SAMD3: variants seen among roughly 807,000 people sequenced by gnomAD.
SAMD3 encodes the protein sterile alpha motif domain containing 3, also known as sterile alpha motif domain-containing protein 3.
Under a neutral mutation model 58.5 loss-of-function variants are expected in SAMD3, and 63 were observed. That is an observed-to-expected ratio of 1.08 (90% CI 0.88 to 1.33). The LOEUF is 1.33. Among genes scored for constraint, SAMD3 ranks in the 40% most tolerant of loss-of-function variants. SAMD3 has a pLI of 0.00. For missense variants in SAMD3, 604 were observed against 608.4 expected (o/e 0.99, Z 0.08); for synonymous variants, 220 against 210.3 (o/e 1.05, Z -0.40).
At chr6:130,270,712 T>G (rs1774528035) in intron 2 of SAMD3, among the ~76,000 whole-genome samples, 1 of 152,188 alleles carries the variant, frequency 6.6e-6, no homozygotes, top group African/African-American at 2.4e-5. Context: ...ATAGATCTAT[T>G]TTATTGATTT....
intron 2 of SAMD3, among the ~76,000 whole-genome samples, chr6:130,306,816 T>G (rs1167319674): frequency 6.6e-6 from 1 of 152,186 alleles, no homozygotes; most frequent in Non-Finnish European, 1.5e-5. Flanking sequence ...TTGAAAGAGT[T>G]CATGAACATG....
chr6:130,338,651 G>C (rs1210053849), intron 1 of SAMD3, among the ~76,000 whole-genome samples: 1 of 152,222 alleles, frequency 6.6e-6, no homozygotes, highest in African/African-American at 2.4e-5. Flanking sequence ...TTGGATGTAA[G>C]ACGTGGAGTC....
intron 2 of SAMD3, among the ~76,000 whole-genome samples, chr6:130,258,514 G>A (rs868778284): frequency 3.9e-5 from 6 of 152,012 alleles, no homozygotes; most frequent in Admixed American, 6.6e-5. Flanking sequence ...AGGTAAAATC[G>A]GACACACATA....
intron 2 of SAMD3, among the ~76,000 whole-genome samples, chr6:130,309,975 C>A (rs1320701779): frequency 6.6e-6 from 1 of 152,138 alleles, no homozygotes; most frequent in Non-Finnish European, 1.5e-5. Context: ...TACAAAATTA[C>A]AGGTAATTCT....
At chr6:130,215,497 C>A in intron 2 of SAMD3, 1 of 1,336,372 alleles carries the variant, frequency 7.5e-7, no homozygotes, top group Non-Finnish European at 9.5e-7. Context: ...CTGATTTAAA[C>A]CTATTTCCTA....
chr6:130,162,515 A>C (rs965550126), intron 8 of SAMD3, among the ~76,000 whole-genome samples: 3 of 152,104 alleles, frequency 2.0e-5, no homozygotes, highest in Non-Finnish European at 2.9e-5. Context: ...CTTTAAAAAA[A>C]TTTTTTTAAG....
chr6:130,187,829 G>A (rs543372821), intron 5 of SAMD3, among the ~76,000 whole-genome samples: 19 of 152,206 alleles, frequency 1.2e-4, no homozygotes, highest in South Asian at 4.1e-4. Flanking sequence ...CAGGCTCTTC[G>A]ACAAAATCAG....
intron 2 of SAMD3, among the ~76,000 whole-genome samples, chr6:130,242,409 A>G (rs577302581): frequency 6.6e-6 from 1 of 152,370 alleles, no homozygotes; most frequent in Admixed American, 6.5e-5. Context: ...TAGTTTGCCA[A>G]TCCCTAAATT....
chr6:130,358,837 A>G (rs1044160783), intron 1 of SAMD3, among the ~76,000 whole-genome samples: 6 of 152,058 alleles, frequency 3.9e-5, no homozygotes, highest in Admixed American at 6.6e-5. Context: ...CTTAACCCCT[A>G]CTCATATCCG....
At chr6:130,163,733 T>C (rs2114623113) in intron 8 of SAMD3, among the ~76,000 whole-genome samples, 1 of 152,368 alleles carries the variant, frequency 6.6e-6, no homozygotes, top group Admixed American at 6.5e-5. Flanking sequence ...TAAATCATTA[T>C]GTGTCAGGCC....
chr6:130,162,492 A>G (rs1320033994), intron 8 of SAMD3, among the ~76,000 whole-genome samples: 1 of 151,464 alleles, frequency 6.6e-6, no homozygotes, highest in East Asian at 1.9e-4. Context: ...TGTTATGAAA[A>G]TGGAATAATT....
At chr6:130,311,070 G>A (rs911668608) in intron 2 of SAMD3, among the ~76,000 whole-genome samples, 1 of 152,166 alleles carries the variant, frequency 6.6e-6, no homozygotes, top group South Asian at 2.1e-4. Flanking sequence ...GCTGAGCCAG[G>A]GCCCTGACAA....
intron 1 of SAMD3, among the ~76,000 whole-genome samples, chr6:130,325,473 T>G (rs1776726288): frequency 6.6e-6 from 1 of 152,196 alleles, no homozygotes; most frequent in Non-Finnish European, 1.5e-5. Flanking sequence ...ACAGATTGGA[T>G]GATGCCCACC....
chr6:130,270,786 G>T (rs1430360099), intron 2 of SAMD3, among the ~76,000 whole-genome samples: 2 of 152,200 alleles, frequency 1.3e-5, no homozygotes, highest in East Asian at 3.9e-4. Context: ...TTTACTCATG[G>T]ATTTTAAGAT....
intron 5 of SAMD3, among the ~76,000 whole-genome samples, chr6:130,188,895 C>T (rs1793253304): frequency 6.6e-6 from 1 of 152,010 alleles, no homozygotes; most frequent in Non-Finnish European, 1.5e-5. Flanking sequence ...GGTTCCTGCC[C>T]CCTTAATCCT....
chr6:130,152,259 C>T (rs1281405773), intron 9 of SAMD3, among the ~76,000 whole-genome samples: 3 of 152,090 alleles, frequency 2.0e-5, no homozygotes, highest in East Asian at 1.9e-4. Flanking sequence ...TAGGTATTTG[C>T]GAGGTCAAAC....
At position 130,214,425 on chromosome 6, in the gene SAMD3, T is replaced by A. The variant is rs1795852387; in HGVS notation, c.181A>T (p.Lys61Ter). The change falls in exon 4 of 12, where the codon AAA (lysine) becomes TAA (stop). Residue 61 changes from lysine (K) to a stop codon, truncating the protein, a stop_gained. Transcript: ENST00000439090. LOFTEE classifies it high-confidence loss of function. ...GHQAVLMDLI[K>*]KYKQNTQGLK... is the part of the protein sequence containing the mutation. Reference sequence around the variant, plus strand: ...CCTTGAGTGTTCTGCTTGTATTTTTTAATTAAATCCATCAGAACAGCCTGG... The same window carrying A: ...CCTTGAGTGTTCTGCTTGTATTTTTAAATTAAATCCATCAGAACAGCCTGG... 2 of 1,613,334 alleles carry A rather than the reference T, an allele frequency of 1.2e-6. No individual in the cohort carries two copies. Among genetic ancestry groups the A allele is most frequent in the Non-Finnish European group, 8.5e-7 (1 of 1,179,690 alleles).
intron 8 of SAMD3, chr6:130,162,138 T>TA (rs2114616589): frequency 1.6e-6 from 1 of 636,024 alleles, no homozygotes; most frequent in East Asian, 2.8e-5. Flanking sequence ...GAGCGTATGC[T>TA]ATGCTTCCTT....
In SAMD3 at chr6:130,175,999, T is replaced by A. The variant is rs761724975; in HGVS notation, c.664A>T (p.Lys222Ter). Residue 222 changes from lysine (K) to a stop codon, truncating the protein, a stop_gained, in exon 8 of 12, where the codon AAA becomes TAA. Transcript: ENST00000439090. LOFTEE classifies it high-confidence loss of function. ...TTAAAGCGATCTTTGAGGGCTCGTT[T>A]CCATAAAAACTGTAAAATAAAACAG... ...DEDGCGFFLW[K>*]RALKDRFKYV... is the part of the protein sequence containing the mutation. 2 of 1,612,542 alleles carry A rather than the reference T, an allele frequency of 1.2e-6. No individual in the cohort carries two copies. The highest frequency in any genetic ancestry group is 1.7e-6 in the Non-Finnish European group (2 of 1,179,394).
Sources: gnomAD v4.1 joint callset for allele counts (sites outside exome capture counted in the v4.1 genomes callset) on GRCh38, gnomAD v4.1.1 for gene constraint, MANE v1.5 for transcripts, NCBI Gene and HGNC (gene_info 2026-07-23, HGNC 2026-07-21) for gene names.